The following RAI14 variants were observed in gnomAD, a reference collection of about 807,000 sequenced individuals.
RAI14 encodes the protein retinoic acid induced 14, also known as ankycorbin.
A neutral mutation model predicts 115.4 loss-of-function variants in RAI14; 45 were observed. The observed-to-expected ratio is 0.39, with a 90% CI of 0.31 to 0.50. RAI14 has a LOEUF of 0.50. Ranked by LOEUF, RAI14 falls within the 20% of genes least tolerant of loss-of-function variation. The pLI, the probability that RAI14 is intolerant of heterozygous loss-of-function variation, is 0.85. For missense variants in RAI14, 939 were observed against 1,131.2 expected, an observed-to-expected ratio of 0.83 and a Z score of 2.44; for synonymous variants, 371 against 415.4, an observed-to-expected ratio of 0.89 and a Z score of 1.30.
rs766540617 is a variant in RAI14, at chr5:34,811,877, A to G, written c.668A>G (p.His223Arg). Reference sequence around the variant, plus strand: ...GATTCTCTTGGATACAATGCCTTACATTATTCCAAACTCTCAGAAAATGCA... The same window carrying G: ...GATTCTCTTGGATACAATGCCTTACGTTATTCCAAACTCTCAGAAAATGCA... The part of the protein sequence containing the change: ...LVDSLGYNAL[H>R]YSKLSENAGI... Residue 223 changes from histidine to arginine, a missense_variant, in exon 9 of 18, where the codon CAT becomes CGT. His to Arg is a conservative substitution (Grantham distance 29). Coordinates refer to ENST00000265109, the MANE Select transcript of RAI14 (RefSeq NM_015577.3). 1 of 1,613,190 alleles carries G rather than the reference A, an allele frequency of 6.2e-7. No individual in the cohort carries two copies. Among genetic ancestry groups the G allele is most frequent in the East Asian group, 2.2e-5 (1 of 44,846 alleles).
At chr5:34,747,669 G>C (rs1233463264) in intron 2 of RAI14, among the ~76,000 whole-genome samples, 1 of 152,222 alleles carries the variant, frequency 6.6e-6, no homozygotes, top group African/African-American at 2.4e-5. Flanking sequence ...CCATGAGACT[G>C]TGCTTTGACT....
At chr5:34,771,050 A>G (rs1750089561) in intron 3 of RAI14, among the ~76,000 whole-genome samples, 1 of 151,992 alleles carries the variant, frequency 6.6e-6, no homozygotes. Flanking sequence ...GATCACAGTC[A>G]CTCCTTTCTT....
chr5:34,747,602 A>C (rs1305300916), intron 2 of RAI14, among the ~76,000 whole-genome samples: 1 of 152,204 alleles, frequency 6.6e-6, no homozygotes, highest in Non-Finnish European at 1.5e-5. Flanking sequence ...TGGATGGGAT[A>C]ATTTTTCTCC....
intron 2 of RAI14, among the ~76,000 whole-genome samples, chr5:34,715,092 C>G (rs1741832715): frequency 6.6e-6 from 1 of 152,070 alleles, no homozygotes; most frequent in Non-Finnish European, 1.5e-5. Context: ...AGTACACCCT[C>G]AAGGGGCAAG....
intron 2 of RAI14, among the ~76,000 whole-genome samples, chr5:34,726,557 T>G (rs536738087): frequency 9.9e-5 from 15 of 152,222 alleles, no homozygotes; most frequent in African/African-American, 3.4e-4. Context: ...CAAGGTGAGA[T>G]TTGGATGGGG....
intron 1 of RAI14, among the ~76,000 whole-genome samples, chr5:34,668,862 C>CTT (rs910862155): frequency 6.7e-6 from 1 of 148,754 alleles, no homozygotes; most frequent in Non-Finnish European, 1.5e-5. Context: ...TAATTAGGTT[C>CTT]TTTTTTTTTT....
intron 2 of RAI14, among the ~76,000 whole-genome samples, chr5:34,751,154 A>ATT (rs34439436): frequency 6.2e-5 from 8 of 128,018 alleles, no homozygotes; most frequent in South Asian, 2.7e-4. Context: ...CCCGGCCATA[A>ATT]TTTTTTTTTT....
intron 3 of RAI14, among the ~76,000 whole-genome samples, chr5:34,780,840 T>C (rs1751521963): frequency 6.6e-6 from 1 of 152,110 alleles, no homozygotes. Flanking sequence ...GAACTAGAAA[T>C]ACCATTTGAC....
chr5:34,663,341 A>T (rs534736606), intron 1 of RAI14, among the ~76,000 whole-genome samples: 267 of 152,102 alleles, frequency 1.8e-3, no homozygotes, highest in African/African-American at 5.9e-3. Context: ...ACATGGCGAA[A>T]CTTTGTCTCT....
chr5:34,769,234 A>C (rs1749827154), intron 3 of RAI14, among the ~76,000 whole-genome samples: 1 of 152,184 alleles, frequency 6.6e-6, no homozygotes, highest in Non-Finnish European at 1.5e-5. Flanking sequence ...TTTCTGCTAC[A>C]TCAGTTCCTA....
intron 2 of RAI14, among the ~76,000 whole-genome samples, chr5:34,740,344 A>G (rs1190996054): frequency 6.6e-6 from 1 of 152,194 alleles, no homozygotes; most frequent in Non-Finnish European, 1.5e-5. Context: ...CTAGAGTTCC[A>G]GTATTACTTG....
At chr5:34,760,951 G>T (rs1748573188) in intron 3 of RAI14, among the ~76,000 whole-genome samples, 1 of 152,110 alleles carries the variant, frequency 6.6e-6, no homozygotes. Flanking sequence ...CTCTGGATTT[G>T]TCTGCTCTGG....
intron 1 of RAI14, among the ~76,000 whole-genome samples, chr5:34,672,669 G>A (rs1743700336): frequency 6.6e-6 from 1 of 152,180 alleles, no homozygotes; most frequent in Non-Finnish European, 1.5e-5. Context: ...GGCCCCTGGG[G>A]AGTGATGCCT....
intron 2 of RAI14, among the ~76,000 whole-genome samples, chr5:34,693,211 C>T (rs1738845376): frequency 6.6e-6 from 1 of 152,176 alleles, no homozygotes; most frequent in African/African-American, 2.4e-5. Flanking sequence ...AGGACTCCAA[C>T]GTATGAATTT....
At chr5:34,665,592 C>A (rs1166574765) in intron 1 of RAI14, among the ~76,000 whole-genome samples, 1 of 151,044 alleles carries the variant, frequency 6.6e-6, no homozygotes, top group African/African-American at 2.4e-5. Context: ...TGGACACTTG[C>A]AAATCTGATG....
In RAI14 at chr5:34,830,676, T is replaced by G. The variant is rs1460965237; in HGVS notation, c.2866-12T>G. On this transcript the variant is annotated splice_polypyrimidine_tract_variant and intron_variant, in intron 17 of 17. Transcript: ENST00000265109. ...TAGGTTCTAATGAGTATCTTGTGTT[T>G]GAATATCCTAGGGCCAGATGGATGA... The G allele has an allele frequency of 6.2e-7, 1 of 1,614,044 alleles. No individual in the cohort carries two copies. Among genetic ancestry groups the G allele is most frequent in the Non-Finnish European group, 8.5e-7 (1 of 1,179,938 alleles).
intron 1 of RAI14, among the ~76,000 whole-genome samples, chr5:34,673,606 C>T (rs1008340067): frequency 1.3e-5 from 2 of 152,020 alleles, no homozygotes; most frequent in African/African-American, 2.4e-5. Context: ...CTTTGGTGCC[C>T]GAGGGCAAGT....
At chr5:34,757,620 C>T in intron 3 of RAI14, 22 bp downstream of exon 3, 4 of 1,587,538 alleles carry the variant, frequency 2.5e-6, no homozygotes, top group Non-Finnish European at 3.4e-6. Context: ...CACTGGTTTG[C>T]AGATATGCTG....
At position 34,813,254 on chromosome 5, in the gene RAI14, T is replaced by C. The variant is rs535951956; in HGVS notation, c.766-320T>C. Among the ~76,000 whole-genome samples, 3 of 152,280 alleles carry C rather than the reference T, an allele frequency of 2.0e-5. No homozygotes were observed. In the South Asian group the frequency reaches 6.2e-4, roughly 32 times the overall value. On this transcript the variant is annotated intron_variant, in intron 10 of 17. Coordinates refer to ENST00000265109, the MANE Select transcript of RAI14 (RefSeq NM_015577.3). ...GGGAAATACCATTGCTTTTCATTAA[T>C]ACAGAAAGCTGGCTGTGATTGTATT...
Sources: gnomAD v4.1 joint callset for allele counts (sites outside exome capture counted in the v4.1 genomes callset) on GRCh38, gnomAD v4.1.1 for gene constraint, MANE v1.5 for transcripts, NCBI Gene and HGNC (gene_info 2026-07-23, HGNC 2026-07-21) for gene names.